SMTN: variants seen among roughly 807,000 people sequenced by gnomAD.
SMTN encodes the protein smoothelin.
Under a neutral mutation model 102.0 loss-of-function variants are expected in SMTN, and 58 were observed. The observed-to-expected ratio is 0.57, with a 90% confidence interval of 0.46 to 0.71. SMTN has a LOEUF of 0.71. Ranked by LOEUF, SMTN falls within the 30% of genes least tolerant of loss-of-function variation. The pLI, the probability that SMTN is intolerant of heterozygous loss-of-function variation, is 0.00. For missense variants in SMTN, 1,185 were observed against 1,241.7 expected (o/e 0.95, Z 0.69); for synonymous variants, 478 against 497.9 (o/e 0.96, Z 0.53).
At chr22:31,098,622 G>GCAGC (rs773184591) in intron 16 of SMTN, 45 bp from the exon 17 acceptor site, 2 of 1,594,498 alleles carry the variant, frequency 1.3e-6, no homozygotes, top group South Asian at 2.2e-5. Context: ...AGGCTGGGGA[G>GCAGC]CAGCCCTGCT....
At chr22:31,100,752 GTGTGTGTGTGTA>G (rs2044017831) in intron 19 of SMTN, 121 bp from the exon 20 acceptor site, 1 of 610,890 alleles carries the variant, frequency 1.6e-6, no homozygotes, top group South Asian at 1.9e-5. Context: ...ATGTCTCTGT[GTGTGTGTGTGTA>G]TGTGTGTGTG....
At chr22:31,081,827 C>T (rs2042329088) in intron 1 of SMTN, among the ~76,000 whole-genome samples, 1 of 152,146 alleles carries the variant, frequency 6.6e-6, no homozygotes, top group Admixed American at 6.5e-5. Flanking sequence ...GGTCAGCTGC[C>T]CCATAGAAGA....
intron 10 of SMTN, 29 bp downstream of exon 10, chr22:31,091,511 G>T: frequency 6.6e-7 from 1 of 1,517,064 alleles, no homozygotes. Flanking sequence ...CTCCCCAATG[G>T]GGATGAGTGC....
rs770837449 is a variant in SMTN at position 31,088,125 on chromosome 22, G to A, written c.200+12G>A. On this transcript the variant is annotated intron_variant, in intron 3 of 20. Transcript: ENST00000333137. ...GAGAACTGGCTGCAGTGAGTAGCGG[G>A]GGGTGGAACATGCGGGTGAGAAGGT... The A allele has an allele frequency of 2.5e-6, 4 of 1,583,994 alleles. No homozygotes were observed. The highest frequency in any genetic ancestry group is 2.3e-5 in the South Asian group (2 of 88,454).
intron 20 of SMTN, 149 bp from the exon 21 acceptor site, chr22:31,104,167 G>T: frequency 1.1e-6 from 1 of 880,158 alleles, no homozygotes; most frequent in South Asian, 1.7e-5. Flanking sequence ...TGAAGCCAGG[G>T]GCTTCCTGCC....
rs1362589651 is a variant in SMTN at position 31,098,585 on chromosome 22, C to T, written c.2160-82C>T. On this transcript the variant is annotated intron_variant, in intron 16 of 20. Transcript: ENST00000333137. ...GGAGATACTAGTGTGCTACAAGACC[C>T]CCCCTCCTCCTCGCGAGTGGTGGTC... 1.3e-5 allele frequency: 18 copies of T among 1,414,634 alleles called. No individual in the cohort carries two copies. In the South Asian group the frequency reaches 1.5e-4, roughly 12 times the overall value. The allele number at this position is 1,414,634 out of a possible 1,614,324, so 87.6% of individuals were successfully genotyped here.
At chr22:31,080,195 A>T (rs573951339), upstream of SMTN, among the ~76,000 whole-genome samples, 1 of 152,220 alleles carries the variant, frequency 6.6e-6, no homozygotes, top group South Asian at 2.1e-4. Context: ...GGGGTGTCAC[A>T]GAGGACCTGA....
At chr22:31,080,357 A>G (rs761444981), upstream of SMTN, 1 of 152,246 alleles carries the variant, frequency 6.6e-6, no homozygotes, top group Non-Finnish European at 1.5e-5. Context: ...AAATGGGGCA[A>G]TAGTCATGGT....
intron 3 of SMTN, 49 bp from the exon 4 acceptor site, chr22:31,088,464 C>A: frequency 6.5e-7 from 1 of 1,547,414 alleles, no homozygotes; most frequent in Non-Finnish European, 8.9e-7. Context: ...CCCACATCCT[C>A]CACGACCTGG....
At chr22:31,097,405 C>A in intron 16 of SMTN, 67 bp downstream of exon 16, 1 of 1,426,140 alleles carries the variant, frequency 7.0e-7, no homozygotes, top group Non-Finnish European at 9.9e-7. Context: ...ACTGCAAACC[C>A]GTTTTACAGA....
chr22:31,093,530 C>T (rs751223584), intron 11 of SMTN: 73 of 696,096 alleles, frequency 1.0e-4, no homozygotes, highest in South Asian at 1.0e-3. Flanking sequence ...GAGCTGCGGG[C>T]GGTGGCTGAA....
At chr22:31,081,994 G>T (rs1213823691) in intron 1 of SMTN, among the ~76,000 whole-genome samples, 1 of 152,116 alleles carries the variant, frequency 6.6e-6, no homozygotes, top group African/African-American at 2.4e-5. Flanking sequence ...TACCAGGATG[G>T]GAGGGGGAAC....
Position 31,091,473 on chromosome 22 carries a change from C to G in SMTN, c.1450C>G (p.Gln484Glu), listed in dbSNP as rs1317953935. The G allele has an allele frequency of 6.6e-7, 1 of 1,520,444 alleles. No homozygotes were observed. The highest frequency in any genetic ancestry group is 1.4e-5 in the African/African-American group (1 of 72,044). The allele number at this position is 1,520,444 out of a possible 1,614,324, so 94.2% of individuals were successfully genotyped here. A position where few individuals can be genotyped will look rare whatever the true frequency, so the allele number is the denominator to read the frequency against. The part of the protein sequence containing the change: ...TGRVLLPTGN[Q>E]RAELTLGLRA... Reference sequence around the variant, plus strand: ...CCGGGTGCTGCTGCCCACAGGCAACCAGAGGGCAGGTAGGCGCCCCCCACT... The same window carrying G: ...CCGGGTGCTGCTGCCCACAGGCAACGAGAGGGCAGGTAGGCGCCCCCCACT... The change falls in exon 10 of 21, where the codon CAG becomes GAG. Residue 484 changes from glutamine (Q) to glutamate (E), a missense_variant. Gln to Glu is a conservative substitution (Grantham distance 29, BLOSUM62 2). Around this residue, in one of 2 missense-constraint regions of SMTN, gnomAD observed 1,096 missense variants for 1,112.7 expected, o/e 0.98. Coordinates refer to ENST00000333137, the MANE Select transcript of SMTN (RefSeq NM_134269.3).
intron 11 of SMTN, chr22:31,093,588 C>T (rs769693104): frequency 2.9e-5 from 22 of 746,340 alleles, no homozygotes; most frequent in Admixed American, 7.3e-5. Context: ...CTGTAGCCAC[C>T]GTGGAGCCGG....
chr22:31,098,917 C>T (rs1055622851), intron 17 of SMTN, 77 bp downstream of exon 17: 3 of 1,550,540 alleles, frequency 1.9e-6, no homozygotes, highest in Middle Eastern at 2.2e-4. Flanking sequence ...ATAGTTGGCC[C>T]GGCAGAGGCG....
At chr22:31,098,874 C>T (rs779120943) in intron 17 of SMTN, 34 bp downstream of exon 17, 124 of 1,426,500 alleles carry the variant, frequency 8.7e-5, no homozygotes, top group Non-Finnish European at 1.1e-4. Flanking sequence ...CAGTGGGGGG[C>T]GGGGCGTGAT....
chr22:31,098,647 T>G lies in SMTN; in HGVS notation c.2160-20T>G. The G allele has an allele frequency of 1.2e-6, 2 of 1,610,574 alleles. No individual in the cohort carries two copies. The highest frequency in any genetic ancestry group is 8.5e-7 in the Non-Finnish European group (1 of 1,178,116). On this transcript the variant is annotated intron_variant, in intron 16 of 20. Transcript: ENST00000333137. Reference sequence around the variant, plus strand: ...GCAGCCCTGCTCTCCCTGCCTAACATGCGCCTCCCCAACCCCTAGCATCTT... The same window carrying G: ...GCAGCCCTGCTCTCCCTGCCTAACAGGCGCCTCCCCAACCCCTAGCATCTT...
Position 31,099,118 on chromosome 22 carries a change from A to G in SMTN, c.2390A>G (p.Asn797Ser), listed in dbSNP as rs761046012. The G allele has an allele frequency of 5.6e-6, 9 of 1,613,346 alleles. No individual in the cohort carries two copies. In the Admixed American group the frequency reaches 1.0e-4, roughly 18 times the overall value. ...CGATCCACCAGCTTCGGGGTCCCCAACGCCAACAGCATCAAGCAGATGCTG... is the reference window on the plus strand; with the variant it reads ...CGATCCACCAGCTTCGGGGTCCCCAGCGCCAACAGCATCAAGCAGATGCTG... The part of the protein sequence containing the change: ...VQRSTSFGVP[N>S]ANSIKQMLLD... Residue 797 changes from asparagine (N) to serine (S), a missense_variant, in exon 18 of 21, where the codon AAC becomes AGC. Coordinates refer to ENST00000333137, the MANE Select transcript of SMTN (RefSeq NM_134269.3).
intron 1 of SMTN, among the ~76,000 whole-genome samples, chr22:31,073,031 T>C (rs2042043168): frequency 7.0e-6 from 1 of 141,996 alleles, no homozygotes. Context: ...TTTTTTTTTT[T>C]TGAGACAGGG....
Sources: gnomAD v4.1 joint callset for allele counts (sites outside exome capture counted in the v4.1 genomes callset) on GRCh38, gnomAD v4.1.1 for gene constraint, gnomAD v4.1.1 regional missense constraint, MANE v1.5 for transcripts, NCBI Gene and HGNC (gene_info 2026-07-23, HGNC 2026-07-21) for gene names.